MALRD1: variants seen among roughly 807,000 people sequenced by gnomAD.
MALRD1 encodes the protein MAM and LDL-receptor class A domain-containing protein 1.
Under a neutral mutation model 242.1 loss-of-function variants are expected in MALRD1, and 247 were observed. The ratio of observed to expected loss-of-function variants is 1.02; its 90% CI spans 0.92 to 1.13. The LOEUF (loss-of-function observed/expected upper bound fraction) is 1.13. MALRD1 is among the 50% of genes most tolerant of loss of function. MALRD1 has a pLI of 0.00. For missense variants in MALRD1, 2,989 were observed against 2,533.1 expected (o/e 1.18, Z -3.86); for synonymous variants, 995 against 866.6 (o/e 1.15, Z -2.60).
chr10:19,259,052 C>A (rs1644214885), intron 19 of MALRD1, among the ~76,000 whole-genome samples: 1 of 152,256 alleles, frequency 6.6e-6, no homozygotes, highest in East Asian at 1.9e-4. Flanking sequence ...TTTAAATGAT[C>A]TATCTGCTCC....
chr10:19,563,548 G>A (rs562050884), intron 32 of MALRD1, among the ~76,000 whole-genome samples: 1 of 152,286 alleles, frequency 6.6e-6, no homozygotes, highest in Admixed American at 6.5e-5. Context: ...TCACACACTG[G>A]TTTTAATAAG....
chr10:19,420,328 C>A (rs1425435865), intron 28 of MALRD1, among the ~76,000 whole-genome samples: 2 of 151,494 alleles, frequency 1.3e-5, no homozygotes, highest in Non-Finnish European at 2.9e-5. Flanking sequence ...AGCCGGTAAT[C>A]GAAAAACGTT....
At chr10:19,502,167 T>C (rs1838007702) in intron 31 of MALRD1, among the ~76,000 whole-genome samples, 1 of 152,118 alleles carries the variant, frequency 6.6e-6, no homozygotes, top group Non-Finnish European at 1.5e-5. Context: ...ACTTGAAAGG[T>C]CTGAACTGTT....
At chr10:19,118,669 G>A (rs961178249) in intron 5 of MALRD1, among the ~76,000 whole-genome samples, 11 of 152,198 alleles carry the variant, frequency 7.2e-5, no homozygotes, top group African/African-American at 2.7e-4. Flanking sequence ...GCAAAAGGGA[G>A]GAGGGTATAA....
Position 19,258,047 on chromosome 10 carries a change from A to G in MALRD1, c.3079+276A>G, listed in dbSNP as rs558500636. Among the ~76,000 whole-genome samples the G allele has an allele frequency of 4.2e-4, 64 of 152,254 alleles. 1 individual carries two copies. In the South Asian group the frequency reaches 0.012, roughly 28 times the overall value. ...ATGTCTGAAGTTAAAATGTAATTCC[A>G]TTATATTTAAGGAGTTACAATAACC... On this transcript the variant is annotated intron_variant, in intron 19 of 39. Coordinates refer to ENST00000454679, the MANE Select transcript of MALRD1 (RefSeq NM_001142308.3).
chr10:19,473,568 T>TA (rs1168352745), intron 29 of MALRD1, among the ~76,000 whole-genome samples: 1 of 152,138 alleles, frequency 6.6e-6, no homozygotes, highest in Non-Finnish European at 1.5e-5. Context: ...AGTGGAATCA[T>TA]ACAGTATTTG....
chr10:19,257,414 C>T (rs72796426), intron 18 of MALRD1, among the ~76,000 whole-genome samples: 13,326 of 152,042 alleles, frequency 0.088, 659 homozygotes, highest in Middle Eastern at 0.12. Context: ...GGATATCAAT[C>T]TAATATACTG....
At chr10:19,281,070 C>T (rs1840780480) in intron 20 of MALRD1, among the ~76,000 whole-genome samples, 9 of 152,070 alleles carry the variant, frequency 5.9e-5, no homozygotes, top group Admixed American at 5.9e-4. Flanking sequence ...CAGTGAGGTT[C>T]ATATTTATTC....
intron 19 of MALRD1, among the ~76,000 whole-genome samples, chr10:19,278,403 G>A (rs1312852557): frequency 6.6e-6 from 1 of 151,892 alleles, no homozygotes; most frequent in African/African-American, 2.4e-5. Flanking sequence ...TCTTCCATTT[G>A]TTATTTTATT....
chr10:19,437,451 G>A (rs930815853), intron 28 of MALRD1, among the ~76,000 whole-genome samples: 9 of 151,926 alleles, frequency 5.9e-5, no homozygotes, highest in African/African-American at 9.7e-5. Flanking sequence ...TCACCAGGAC[G>A]TGTTTCAATC....
chr10:19,372,733 G>T (rs1236062432), intron 26 of MALRD1, among the ~76,000 whole-genome samples: 2 of 152,048 alleles, frequency 1.3e-5, no homozygotes, highest in Non-Finnish European at 2.9e-5. Flanking sequence ...CTCCCTAAGT[G>T]CTGGGATTAC....
intron 2 of MALRD1, among the ~76,000 whole-genome samples, chr10:19,067,231 G>T (rs1291891201): frequency 6.6e-6 from 1 of 152,030 alleles, no homozygotes; most frequent in East Asian, 1.9e-4. Context: ...CTTTTATTTT[G>T]CTTGGACTGA....
chr10:19,685,319 A>T (rs1183115532), intron 36 of MALRD1, among the ~76,000 whole-genome samples: 1 of 152,052 alleles, frequency 6.6e-6, no homozygotes, highest in Non-Finnish European at 1.5e-5. Flanking sequence ...TACTTCTACA[A>T]ATTCCCCAGC....
chr10:19,110,902 C>T (rs926941186), intron 5 of MALRD1, among the ~76,000 whole-genome samples: 1 of 152,156 alleles, frequency 6.6e-6, no homozygotes, highest in African/African-American at 2.4e-5. Flanking sequence ...AGGAAATCAC[C>T]TATTGGCTGG....
chr10:19,258,880 T>C (rs1344448438), intron 19 of MALRD1, among the ~76,000 whole-genome samples: 1 of 152,090 alleles, frequency 6.6e-6, no homozygotes, highest in East Asian at 1.9e-4. Flanking sequence ...CCTGTATACC[T>C]CCCTATCTCA....
At chr10:19,539,560 T>C (rs1834839957) in intron 32 of MALRD1, among the ~76,000 whole-genome samples, 1 of 152,218 alleles carries the variant, frequency 6.6e-6, no homozygotes, top group Non-Finnish European at 1.5e-5. Flanking sequence ...GTTACTTAAA[T>C]AGTTAGATGT....
chr10:19,646,526 A>G (rs1329433477), intron 36 of MALRD1, among the ~76,000 whole-genome samples: 1 of 152,088 alleles, frequency 6.6e-6, no homozygotes, highest in African/African-American at 2.4e-5. Flanking sequence ...AACTGCCTGA[A>G]CCTGGGAGGC....
intron 26 of MALRD1, among the ~76,000 whole-genome samples, chr10:19,371,809 C>A (rs981486859): frequency 6.6e-6 from 1 of 152,166 alleles, no homozygotes. Flanking sequence ...TTTTCTATCA[C>A]TATAATTTCA....
chr10:19,106,566 C>T (rs1034272082), intron 5 of MALRD1, among the ~76,000 whole-genome samples: 3 of 151,016 alleles, frequency 2.0e-5, no homozygotes, highest in Non-Finnish European at 4.4e-5. Flanking sequence ...TTTTGTTTAT[C>T]TTTTTTAAAA....
Sources: gnomAD v4.1 joint callset for allele counts (sites outside exome capture counted in the v4.1 genomes callset) on GRCh38, gnomAD v4.1.1 for gene constraint, MANE v1.5 for transcripts, NCBI Gene and HGNC (gene_info 2026-07-23, HGNC 2026-07-21) for gene names.